Variants in MS4A5 observed in about 807,000 individuals in gnomAD.
MS4A5 encodes the protein membrane-spanning 4-domains subfamily A member 5.
A neutral mutation model predicts 18.2 loss-of-function variants in MS4A5; 15 were observed. That is an observed-to-expected ratio of 0.83 (90% CI 0.55 to 1.27). The LOEUF is 1.27. MS4A5 is among the 50% of genes most tolerant of loss of function. MS4A5 has a pLI of 0.00. For missense variants in MS4A5, 232 were observed against 225.7 expected (o/e 1.03, Z -0.18); for synonymous variants, 89 against 78.7 (o/e 1.13, Z -0.69).
intron 2 of MS4A5, among the ~76,000 whole-genome samples, 177 bp downstream of exon 2, chr11:60,431,101 G>C (rs566901185): frequency 2.0e-5 from 3 of 152,176 alleles, no homozygotes; most frequent in Admixed American, 6.5e-5. Flanking sequence ...TCCATCATTA[G>C]GTCTTGAAGT....
At chr11:60,435,379 A>C (rs2086073063) in intron 4 of MS4A5, 1 of 446,756 alleles carries the variant, frequency 2.2e-6, no homozygotes, top group Admixed American at 2.5e-5. Context: ...AAGAGATTTT[A>C]AAACCACAAT....
intron 4 of MS4A5, 41 bp from the exon 5 acceptor site, chr11:60,447,608 A>C: frequency 8.6e-7 from 1 of 1,161,938 alleles, no homozygotes; most frequent in Non-Finnish European, 1.2e-6. Flanking sequence ...CTGTGCCAAC[A>C]TCATGACTCT....
intron 4 of MS4A5, among the ~76,000 whole-genome samples, chr11:60,447,404 ACTATGCTATGCTATCCTAGGCTATG>A (rs1038929229): frequency 5.5e-5 from 8 of 146,342 alleles, no homozygotes; most frequent in South Asian, 2.2e-4. Flanking sequence ...GCTGTGCTGT[ACTATGCTATGCTATCCTAGGCTATG>A]CTATGCTATG....
At chr11:60,437,029 T>C (rs1037611519) in intron 4 of MS4A5, among the ~76,000 whole-genome samples, 1 of 136,124 alleles carries the variant, frequency 7.3e-6, no homozygotes, top group Non-Finnish European at 1.6e-5. Flanking sequence ...AGAGAAAGGT[T>C]GGGTAACCCT....
intron 1 of MS4A5, among the ~76,000 whole-genome samples, chr11:60,430,338 G>A (rs2086041692): frequency 1.3e-5 from 2 of 152,010 alleles, no homozygotes; most frequent in Admixed American, 1.3e-4. Context: ...TCAGAGAATT[G>A]GCCATCTCCA....
chr11:60,432,769 C>CA (rs71036582), intron 3 of MS4A5, among the ~76,000 whole-genome samples: 53,774 of 137,700 alleles, frequency 0.39, 10,706 homozygotes, highest in East Asian at 0.54. Context: ...GACTCCATCT[C>CA]AAAAAAAAAA....
intron 4 of MS4A5, among the ~76,000 whole-genome samples, chr11:60,444,109 T>A (rs1320422465): frequency 6.6e-6 from 1 of 152,218 alleles, no homozygotes; most frequent in Non-Finnish European, 1.5e-5. Context: ...CGAGTATTCA[T>A]GTGAGGCTGT....
At chr11:60,438,494 T>G (rs2086092995) in intron 4 of MS4A5, among the ~76,000 whole-genome samples, 1 of 151,944 alleles carries the variant, frequency 6.6e-6, no homozygotes, top group African/African-American at 2.4e-5. Context: ...AGCTGGTTTT[T>G]TGAAAGGATC....
Position 60,443,487 on chromosome 11 carries a change from C to T in MS4A5, c.493-4162C>T, listed in dbSNP as rs961282884. 5.9e-5 allele frequency among the ~76,000 whole-genome samples: 9 copies of T among 151,830 alleles called. 1 individual carries two copies. The Middle Eastern group carries it at 0.01, about 173-fold the overall frequency. On this transcript the variant is annotated intron_variant, in intron 4 of 4. Coordinates refer to ENST00000300190, the MANE Select transcript of MS4A5 (RefSeq NM_023945.3). ...TAAAGTGTGCTTAGAGGAAACTTTA[C>T]GACCTCAAAGGCAAGTATTGGGAAG...
chr11:60,438,627 C>T (rs2086093889), intron 4 of MS4A5, among the ~76,000 whole-genome samples: 1 of 152,122 alleles, frequency 6.6e-6, no homozygotes, highest in South Asian at 2.1e-4. Flanking sequence ...AAACGACCAT[C>T]AGAGAATACT....
chr11:60,437,573 G>A (rs1317033158), intron 4 of MS4A5, among the ~76,000 whole-genome samples: 1 of 152,050 alleles, frequency 6.6e-6, no homozygotes, highest in Non-Finnish European at 1.5e-5. Flanking sequence ...AAAGGATGGA[G>A]GAAGTTCTAC....
intron 4 of MS4A5, among the ~76,000 whole-genome samples, chr11:60,447,202 A>G (rs2086144230): frequency 6.6e-6 from 1 of 151,594 alleles, no homozygotes; most frequent in Non-Finnish European, 1.5e-5. Flanking sequence ...ATGCTATGCT[A>G]TCCTATGCTA....
Position 60,447,705 on chromosome 11 carries a change from T to G in MS4A5, c.549T>G (p.Pro183=). The G allele has an allele frequency of 6.2e-7, 1 of 1,601,300 alleles. No homozygotes were observed. The highest frequency in any genetic ancestry group is 1.7e-4 in the Middle Eastern group (1 of 6,030). Residue 183 remains proline, a synonymous_variant, in exon 5 of 5, where the codon CCT becomes CCG. Transcript: ENST00000300190. The part of the protein sequence containing the change: ...FSIIELFISL[P]FSILGCHSED... ...TTATTGAATTATTCATTTCTCTGCCTTTCTCAATTTTGGGGTGCCACTCAG... is the reference window on the plus strand; with the variant it reads ...TTATTGAATTATTCATTTCTCTGCCGTTCTCAATTTTGGGGTGCCACTCAG...
chr11:60,430,970 A>T, intron 2 of MS4A5, 46 bp downstream of exon 2: 3 of 1,577,814 alleles, frequency 1.9e-6, no homozygotes, highest in Non-Finnish European at 2.6e-6. Context: ...GCCAACCAGG[A>T]TGTTAGGGAA....
intron 4 of MS4A5, among the ~76,000 whole-genome samples, chr11:60,443,719 T>A (rs1186732664): frequency 1.3e-5 from 2 of 151,890 alleles, no homozygotes; most frequent in Non-Finnish European, 2.9e-5. Flanking sequence ...ACTAATAAAA[T>A]TGGTAAACCC....
intron 2 of MS4A5, among the ~76,000 whole-genome samples, chr11:60,431,938 G>T (rs2086050477): frequency 6.6e-6 from 1 of 151,538 alleles, no homozygotes; most frequent in African/African-American, 2.4e-5. Flanking sequence ...AGACAACAAT[G>T]CTACCACGTG....
chr11:60,436,701 G>A (rs2086082668), intron 4 of MS4A5, among the ~76,000 whole-genome samples: 1 of 134,408 alleles, frequency 7.4e-6, no homozygotes, highest in Non-Finnish European at 1.7e-5. Context: ...ATGAAATGAA[G>A]CGAGAAGGGA....
At chr11:60,435,149 T>G (rs1313642622) in intron 4 of MS4A5, among the ~76,000 whole-genome samples, 2 of 152,212 alleles carry the variant, frequency 1.3e-5, no homozygotes, top group African/African-American at 2.4e-5. Flanking sequence ...GGTCTTGGTA[T>G]GTGGTGCCCC....
Position 60,430,894 on chromosome 11 carries a change from T to C in MS4A5, c.252T>C (p.Leu84=). Residue 84 remains leucine, a synonymous_variant, in exon 2 of 5, where the codon CTT becomes CTC. Coordinates refer to ENST00000300190, the MANE Select transcript of MS4A5 (RefSeq NM_023945.3). ...ATCCAAGGTTTCCCTTTATATTTCT[T>C]TCAGGATATCCATTCTGGGGCTCTG... ...KPYPRFPFIF[L]SGYPFWGSVL... The C allele has an allele frequency of 1.9e-6, 3 of 1,613,228 alleles. No individual in the cohort carries two copies. Among genetic ancestry groups the C allele is most frequent in the Non-Finnish European group, 2.5e-6 (3 of 1,179,916 alleles).
Sources: gnomAD v4.1 joint callset for allele counts (sites outside exome capture counted in the v4.1 genomes callset) on GRCh38, gnomAD v4.1.1 for gene constraint, MANE v1.5 for transcripts, NCBI Gene and HGNC (gene_info 2026-07-23, HGNC 2026-07-21) for gene names.